Variants in ABHD12 observed in about 807,000 individuals in gnomAD.
ABHD12 encodes lysophosphatidylserine lipase ABHD12.
Under a neutral mutation model 58.3 loss-of-function variants are expected in ABHD12, and 43 were observed. The observed-to-expected ratio is 0.74, with a 90% CI of 0.58 to 0.95. The LOEUF (loss-of-function observed/expected upper bound fraction) is 0.95, where lower values mean the gene tolerates loss of function less well. Among genes scored for constraint, ABHD12 ranks in the 40% least tolerant of loss-of-function variants. The pLI is 0.00. For synonymous variants in ABHD12, 219 were observed against 211.2 expected, an observed-to-expected ratio of 1.04 and a Z score of -0.32; for missense variants, 539 against 537.2, an observed-to-expected ratio of 1.00 and a Z score of -0.03.
Position 25,300,966 on chromosome 20 carries a change from G to C in ABHD12, c.1158-82C>G. 5 of 1,436,818 alleles carry C rather than the reference G, an allele frequency of 3.5e-6. No individual in the cohort carries two copies. The South Asian group carries it at 5.9e-5, about 17-fold the overall frequency. The allele number at this position is 1,436,818 out of a possible 1,614,324, so 89.0% of individuals were successfully genotyped here. A position where few individuals can be genotyped will look rare whatever the true frequency, so the allele number is the denominator to read the frequency against. On this transcript the variant is annotated intron_variant, in intron 12 of 12. Coordinates refer to ENST00000339157, the MANE Select transcript of ABHD12 (RefSeq NM_001042472.3). ...CCACAGTCCTCACACTGCTATCTAA[G>C]GAAGCAGAGGCTGTGCAGAGAGGAG... is the stretch of plus-strand genomic sequence containing the variant.
intron 3 of ABHD12, among the ~76,000 whole-genome samples, chr20:25,322,381 A>ATATTTTTTTTT: frequency 1.3e-4 from 8 of 59,276 alleles, no homozygotes; most frequent in Non-Finnish European, 2.2e-4. Context: ...ATATATATAT[A>ATATTTTTTTTT]TTTTTTTTTT....
chr20:25,335,497 C>A (rs1297644102), intron 2 of ABHD12, among the ~76,000 whole-genome samples: 1 of 140,924 alleles, frequency 7.1e-6, no homozygotes, highest in Non-Finnish European at 1.5e-5. Context: ...GCTATAAAGA[C>A]ACATGCACAC....
chr20:25,353,728 T>TA (rs2089632283), intron 1 of ABHD12, among the ~76,000 whole-genome samples: 1 of 152,222 alleles, frequency 6.6e-6, no homozygotes, highest in South Asian at 2.1e-4. Flanking sequence ...ATAGAGAAAT[T>TA]AAAATTTGTC....
intron 3 of ABHD12, among the ~76,000 whole-genome samples, chr20:25,322,381 A>ATATATATATATATATCTTCTTTTTTTTTT: frequency 1.7e-5 from 1 of 59,284 alleles, no homozygotes; most frequent in African/African-American, 8.3e-5. Context: ...ATATATATAT[A>ATATATATATATATATCTTCTTTTTTTTTT]TTTTTTTTTT....
chr20:25,375,938 C>T (rs890850382), intron 1 of ABHD12, among the ~76,000 whole-genome samples: 6 of 151,926 alleles, frequency 3.9e-5, no homozygotes, highest in African/African-American at 4.8e-5. Flanking sequence ...CTGGCTAACA[C>T]GGTGAAACCC....
chr20:25,314,803 T>G, intron 6 of ABHD12, 122 bp downstream of exon 6: 1 of 1,103,260 alleles, frequency 9.1e-7, no homozygotes. Context: ...CAGGACACCA[T>G]CACAGCACAG....
chr20:25,344,775 G>A (rs1217868874), intron 1 of ABHD12, among the ~76,000 whole-genome samples: 1 of 152,206 alleles, frequency 6.6e-6, no homozygotes, highest in African/African-American at 2.4e-5. Flanking sequence ...TAAAGCCACA[G>A]TAATCAAGAC....
chr20:25,317,963 G>A (rs2088993593), intron 4 of ABHD12, among the ~76,000 whole-genome samples: 2 of 152,190 alleles, frequency 1.3e-5, no homozygotes, highest in African/African-American at 2.4e-5. Context: ...ATGGGGGCGG[G>A]AGTGTTGCTG....
chr20:25,306,378 T>C (rs1026210808), intron 10 of ABHD12, among the ~76,000 whole-genome samples: 13 of 152,042 alleles, frequency 8.6e-5, no homozygotes, highest in Admixed American at 8.5e-4. Flanking sequence ...TGGCCCACAA[T>C]TTTTTTTGTT....
At chr20:25,337,699 AG>A (rs2089396092) in intron 2 of ABHD12, among the ~76,000 whole-genome samples, 1 of 152,244 alleles carries the variant, frequency 6.6e-6, no homozygotes, top group South Asian at 2.1e-4. Context: ...ATGAGGGTCA[AG>A]TCTGAGGTCT....
chr20:25,386,993 T>G (rs1403197628), intron 1 of ABHD12, among the ~76,000 whole-genome samples: 1 of 152,136 alleles, frequency 6.6e-6, no homozygotes, highest in African/African-American at 2.4e-5. Flanking sequence ...CTATAACTCA[T>G]TATGTTAACA....
intron 1 of ABHD12, among the ~76,000 whole-genome samples, chr20:25,347,116 G>C (rs1022424865): frequency 1.3e-5 from 2 of 152,140 alleles, no homozygotes; most frequent in African/African-American, 4.8e-5. Context: ...ATTACACGAA[G>C]AAATCCACAG....
chr20:25,350,677 C>G (rs1422920475), intron 1 of ABHD12, among the ~76,000 whole-genome samples: 2 of 152,054 alleles, frequency 1.3e-5, no homozygotes, highest in Admixed American at 6.6e-5. Flanking sequence ...AAATTAGTAC[C>G]CCAAGAGTAC....
At chr20:25,296,283 A>G, downstream of ABHD12, 1 of 1,524,430 alleles carries the variant, frequency 6.6e-7, no homozygotes, top group Non-Finnish European at 9.1e-7. Context: ...GCTCATTTGG[A>G]AACAGTCCTA....
At chr20:25,338,606 C>T (rs1338066545) in intron 2 of ABHD12, among the ~76,000 whole-genome samples, 6 of 152,202 alleles carry the variant, frequency 3.9e-5, no homozygotes, top group African/African-American at 1.4e-4. Flanking sequence ...CGTGAAAAAA[C>T]ACACAAGGTC....
In ABHD12 at chr20:25,308,090, G is replaced by A. The variant is rs367679740; in HGVS notation, c.788-45C>T. ...ACTGAGAGGTAGGCAGGAAGCCAGC[G>A]ACATACATGTGGCCTGTGGGGCTCT... On this transcript the variant is annotated intron_variant, in intron 8 of 12. Transcript: ENST00000339157. The A allele has an allele frequency of 5.9e-5, 78 of 1,322,446 alleles. No homozygotes were observed. In the African/African-American group the frequency reaches 9.3e-4, roughly 16 times the overall value. 81.9% of individuals were successfully genotyped at this position (1,322,446 alleles called of 1,614,324 possible).
At chr20:25,389,983 C>A (rs966991260) in intron 1 of ABHD12, 6 of 152,356 alleles carry the variant, frequency 3.9e-5, no homozygotes, top group African/African-American at 1.2e-4. Flanking sequence ...GCAGCCCAGC[C>A]CGAGGGGCGC....
chr20:25,295,784 G>T, downstream of ABHD12: 1 of 1,212,468 alleles, frequency 8.2e-7, no homozygotes, highest in Non-Finnish European at 1.2e-6. Context: ...GGCCAGAGGG[G>T]TTTGTGATTC....
Position 25,302,235 on chromosome 20 carries a change from G to A in ABHD12, c.1141C>T (p.Leu381=), listed in dbSNP as rs142709197. 497 of 1,613,540 alleles carry A rather than the reference G, an allele frequency of 3.1e-4. 2 individuals are homozygous for A. The African/African-American group carries it at 6.2e-3, about 20-fold the overall frequency. The change falls in exon 12 of 13, where the codon CTG becomes TTG. Residue 381 remains leucine (L), a synonymous_variant. Coordinates refer to ENST00000339157, the MANE Select transcript of ABHD12 (RefSeq NM_001042472.3). ...ATGTCTCACCTCAGTATCCGTGGCA[G>A]CTCAGGGCTCTTGTAAATGTATTTG... ...RHKYIYKSPE[L]PRILREFLGK...
Sources: gnomAD v4.1 joint callset for allele counts (sites outside exome capture counted in the v4.1 genomes callset) on GRCh38, gnomAD v4.1.1 for gene constraint, MANE v1.5 for transcripts, NCBI Gene and HGNC (gene_info 2026-07-23, HGNC 2026-07-21) for gene names.